The following C2orf76 variants were observed in gnomAD, a reference collection of about 807,000 sequenced individuals.
The protein encoded by C2orf76 is UPF0538 protein C2orf76.
A neutral mutation model predicts 16.9 loss-of-function variants in C2orf76; 23 were observed. The observed-to-expected ratio is 1.36, with a 90% CI of 0.98 to 1.93. The LOEUF (loss-of-function observed/expected upper bound fraction) is 1.93. Among genes scored for constraint, C2orf76 ranks in the 30% most tolerant of loss-of-function variants. The probability of loss-of-function intolerance (pLI) is 0.00; values close to 1 mark genes in which losing one functional copy is unlikely to be tolerated. For synonymous variants in C2orf76, 48 were observed against 52.3 expected (o/e 0.92, Z 0.35); for missense variants, 152 against 152.6 (o/e 1.00, Z 0.02).
chr2:119,363,970 A>G (rs1186047588), intron 1 of C2orf76, among the ~76,000 whole-genome samples: 1 of 152,048 alleles, frequency 6.6e-6, no homozygotes, highest in Non-Finnish European at 1.5e-5. Flanking sequence ...GTGAGCCATG[A>G]TTGTGCCACT....
chr2:119,364,780 A>G (rs972655312), intron 1 of C2orf76, among the ~76,000 whole-genome samples: 3 of 152,132 alleles, frequency 2.0e-5, no homozygotes. Flanking sequence ...GAATTATGAA[A>G]AGCAATATTC....
intron 1 of C2orf76, among the ~76,000 whole-genome samples, chr2:119,345,739 A>T (rs1324734700): frequency 2.0e-5 from 3 of 152,226 alleles, no homozygotes; most frequent in African/African-American, 7.2e-5. Flanking sequence ...TCTTCTTTAT[A>T]GAAGAATTAC....
chr2:119,282,513 A>G, the C2orf76 span, among the ~76,000 whole-genome samples: 1 of 152,158 alleles, frequency 6.6e-6, no homozygotes, highest in African/African-American at 2.4e-5. Flanking sequence ...TTCTTTAGCC[A>G]CTTGAGACGC....
At chr2:119,343,537 C>T (rs1051096743) in intron 1 of C2orf76, among the ~76,000 whole-genome samples, 1 of 151,486 alleles carries the variant, frequency 6.6e-6, no homozygotes, top group African/African-American at 2.4e-5. Context: ...GGAATGCAGC[C>T]CAGTGTCCCT....
At chr2:119,306,228 G>A (rs941969256) in intron 5 of C2orf76, among the ~76,000 whole-genome samples, 2 of 152,058 alleles carry the variant, frequency 1.3e-5, no homozygotes, top group African/African-American at 4.8e-5. Context: ...AAAGGGAATG[G>A]GACTCACACC....
chr2:119,325,509 C>G (rs986183145), intron 2 of C2orf76, among the ~76,000 whole-genome samples: 3 of 148,010 alleles, frequency 2.0e-5, no homozygotes, highest in Non-Finnish European at 4.5e-5. Flanking sequence ...GTCCCAGCTA[C>G]TCAGGAGGCT....
intron 1 of C2orf76, among the ~76,000 whole-genome samples, chr2:119,362,709 C>T (rs987828089): frequency 2.6e-5 from 4 of 152,140 alleles, no homozygotes; most frequent in Non-Finnish European, 5.9e-5. Context: ...TAAAGGAAGT[C>T]CTGTCTTCCT....
At chr2:119,304,866 C>T (rs1452293743) in intron 5 of C2orf76, among the ~76,000 whole-genome samples, 1 of 152,126 alleles carries the variant, frequency 6.6e-6, no homozygotes, top group Non-Finnish European at 1.5e-5. Context: ...ATGTGAAAAC[C>T]AATTATAAAT....
In C2orf76 at chr2:119,311,490, C is replaced by T. The variant is rs547489701; in HGVS notation, c.304+132G>A. 6 of 1,439,120 alleles carry T rather than the reference C, an allele frequency of 4.2e-6. No homozygotes were observed. In the South Asian group the frequency reaches 7.5e-5, roughly 18 times the overall value. 89.1% of individuals were successfully genotyped at this position (1,439,120 alleles called of 1,614,324 possible). On this transcript the variant is annotated intron_variant, in intron 5 of 5. Coordinates refer to ENST00000334816, the MANE Select transcript of C2orf76 (RefSeq NM_001322331.2). ...ATCATTCTCATCCTCCTCCTCTGAA[C>T]AGTTACCGGGCAGTGTCAGGGGGAC...
the C2orf76 span, among the ~76,000 whole-genome samples, chr2:119,282,589 C>G: frequency 8.5e-5 from 13 of 152,186 alleles, no homozygotes; most frequent in Non-Finnish European, 1.3e-4. Context: ...CCAGCATGGT[C>G]CAGGTTAACA....
intron 2 of C2orf76, among the ~76,000 whole-genome samples, chr2:119,329,233 A>T (rs1174577132): frequency 1.3e-5 from 2 of 152,072 alleles, no homozygotes; most frequent in Admixed American, 1.3e-4. Flanking sequence ...GTGCATCGTT[A>T]TGTCCTCTCA....
intron 1 of C2orf76, among the ~76,000 whole-genome samples, chr2:119,353,729 AT>A (rs1209909218): frequency 6.6e-6 from 1 of 151,900 alleles, no homozygotes; most frequent in African/African-American, 2.4e-5. Context: ...CGCCTGGCTA[AT>A]TTTTGTAGTT....
At chr2:119,302,985 T>C (rs1678664463) in intron 5 of C2orf76, among the ~76,000 whole-genome samples, 1 of 152,130 alleles carries the variant, frequency 6.6e-6, no homozygotes, top group Non-Finnish European at 1.5e-5. Flanking sequence ...GGTATAATAA[T>C]TTAATACTTA....
intron 1 of C2orf76, among the ~76,000 whole-genome samples, chr2:119,358,923 T>G (rs1558799256): frequency 1.3e-5 from 2 of 152,152 alleles, no homozygotes; most frequent in Non-Finnish European, 2.9e-5. Context: ...CAACAGATTT[T>G]CAACACAGAC....
At chr2:119,350,938 A>G (rs921640682) in intron 1 of C2orf76, among the ~76,000 whole-genome samples, 1 of 152,190 alleles carries the variant, frequency 6.6e-6, no homozygotes, top group African/African-American at 2.4e-5. Context: ...AACACCCACA[A>G]GATACTTGAT....
chr2:119,309,442 T>C (rs1353539937), intron 5 of C2orf76, among the ~76,000 whole-genome samples: 1 of 137,664 alleles, frequency 7.3e-6, no homozygotes, highest in Non-Finnish European at 1.5e-5. Flanking sequence ...AGTCTCACTC[T>C]GTTGCCCAGG....
intron 1 of C2orf76, among the ~76,000 whole-genome samples, chr2:119,344,879 TTAATA>T (rs1236695975): frequency 6.6e-6 from 1 of 152,144 alleles, no homozygotes; most frequent in African/African-American, 2.4e-5. Flanking sequence ...TATAGAAAAT[TTAATA>T]TAAGATGAAA....
chr2:119,283,993 C>T, the C2orf76 span, among the ~76,000 whole-genome samples: 1 of 152,168 alleles, frequency 6.6e-6, no homozygotes, highest in African/African-American at 2.4e-5. Flanking sequence ...ACAGCCAAGG[C>T]GTCCTGTGCC....
chr2:119,334,373 G>A (rs1646580858), intron 2 of C2orf76, among the ~76,000 whole-genome samples: 1 of 78,646 alleles, frequency 1.3e-5, no homozygotes, highest in South Asian at 4.6e-4. Context: ...CTCAATGTAT[G>A]CAAAGCAAAA....
Sources: allele counts gnomAD v4.1 joint callset (sites outside exome capture counted in the v4.1 genomes callset), GRCh38; gene constraint gnomAD v4.1.1; transcripts MANE v1.5; gene names NCBI Gene and HGNC (gene_info 2026-07-23, HGNC 2026-07-21).